NFS1: variants seen among roughly 807,000 people sequenced by gnomAD.
NFS1 encodes the protein cysteine desulfurase.
In NFS1, 26 loss-of-function variants were observed where a neutral mutation model predicts 57.3. The observed-to-expected ratio is 0.45, with a 90% CI of 0.33 to 0.63. The LOEUF is 0.63. NFS1 is among the 20% of genes least tolerant of loss of function. NFS1 has a pLI of 0.02. For synonymous variants in NFS1, 209 were observed against 216.3 expected, an observed-to-expected ratio of 0.97 and a Z score of 0.30; for missense variants, 505 against 605.8, an observed-to-expected ratio of 0.83 and a Z score of 1.75.
intron 7 of NFS1, among the ~76,000 whole-genome samples, chr20:35,676,484 G>A (rs1488811538): frequency 6.6e-6 from 1 of 151,788 alleles, no homozygotes. Context: ...TACTCAGGAG[G>A]CTGAGGCAGG....
intron 4 of NFS1, among the ~76,000 whole-genome samples, chr20:35,692,997 C>T (rs2035070958): frequency 1.3e-5 from 2 of 149,530 alleles, no homozygotes; most frequent in African/African-American, 4.9e-5. Context: ...GCAAGACTCC[C>T]CCTTGGGAAA....
intron 4 of NFS1, chr20:35,692,147 T>C (rs956040890): frequency 2.1e-5 from 4 of 190,300 alleles, no homozygotes; most frequent in Non-Finnish European, 4.3e-5. Context: ...GGTCACGCCA[T>C]TGCACTTCAG....
At chr20:35,685,388 G>A (rs1411267804) in intron 5 of NFS1, among the ~76,000 whole-genome samples, 2 of 150,810 alleles carry the variant, frequency 1.3e-5, no homozygotes, top group East Asian at 1.9e-4. Flanking sequence ...CAGGTGTGGT[G>A]GCACACATCT....
In NFS1 at chr20:35,696,431, A is replaced by G. The variant is rs2035135007; in HGVS notation, c.354T>C (p.Pro118=). 6.2e-7 allele frequency: 1 copy of G among 1,614,050 alleles called. No individual in the cohort carries two copies. Among genetic ancestry groups the G allele is most frequent in the African/African-American group, 1.3e-5 (1 of 75,046 alleles). The part of the protein sequence containing the change: ...QQVASLIGAD[P]REIIFTSGAT... ...CACCACTAGTAAAAATGATCTCACG[A>G]GGATCAGCTCCAATCAGAGATGCTA... The change falls in exon 4 of 13, where the codon CCT becomes CCC. Residue 118 remains proline (P), a synonymous_variant. Transcript: ENST00000374092.
chr20:35,681,804 C>A, intron 6 of NFS1, 84 bp downstream of exon 6: 1 of 750,018 alleles, frequency 1.3e-6, no homozygotes, highest in Non-Finnish European at 2.4e-6. Flanking sequence ...TAACTACACT[C>A]CATAGAGTAT....
chr20:35,698,359 T>G, intron 2 of NFS1, 122 bp downstream of exon 2: 1 of 762,178 alleles, frequency 1.3e-6, no homozygotes, highest in African/African-American at 1.8e-5. Flanking sequence ...GACTCCTCGC[T>G]CAGTGCTTTT....
At chr20:35,698,683 G>A in intron 1 of NFS1, 93 bp from the exon 2 acceptor site, 4 of 1,472,430 alleles carry the variant, frequency 2.7e-6, no homozygotes, top group Non-Finnish European at 2.7e-6. Flanking sequence ...CTGGCTGGAG[G>A]TGAGATAAGT....
chr20:35,675,159 C>T lies in NFS1; in HGVS notation c.834G>A (p.Val278=). The T allele has an allele frequency of 1.2e-6, 2 of 1,613,822 alleles. No homozygotes were observed. The highest frequency in any genetic ancestry group is 1.7e-6 in the Non-Finnish European group (2 of 1,179,982). ...IYIRRRPRVR[V]EALQSGGGQE... Reference sequence around the variant, plus strand: ...GCCCCCCTCCACTCTGCAGGGCCTCCACACGCACACGGGGCCGGCGACGGA... The same window carrying T: ...GCCCCCCTCCACTCTGCAGGGCCTCTACACGCACACGGGGCCGGCGACGGA... Residue 278 remains valine, a synonymous_variant, in exon 8 of 13, where the codon GTG becomes GTA. Coordinates refer to ENST00000374092, the MANE Select transcript of NFS1 (RefSeq NM_021100.5).
intron 3 of NFS1, among the ~76,000 whole-genome samples, chr20:35,697,166 G>A (rs923670618): frequency 4.0e-5 from 6 of 151,598 alleles, no homozygotes; most frequent in Non-Finnish European, 7.4e-5. Context: ...GCATGGTGGC[G>A]TGTGCCTGTA....
chr20:35,681,919 C>T lies in NFS1; in HGVS notation c.624G>A (p.Glu208=). ...CTGCAATAGGCTGCTTCACTCCAAT[C>T]TCATTGTTCACAGTCATGACTGACA... ...SLVSVMTVNN[E]IGVKQPIAEI... Residue 208 remains glutamate, a synonymous_variant, in exon 6 of 13, where the codon GAG becomes GAA. Transcript: ENST00000374092. 1 of 1,612,972 alleles carries T rather than the reference C, an allele frequency of 6.2e-7. No individual in the cohort carries two copies. Among genetic ancestry groups the T allele is most frequent in the Non-Finnish European group, 8.5e-7 (1 of 1,179,014 alleles).
chr20:35,671,998 A>ACC (rs2034663509), intron 12 of NFS1, among the ~76,000 whole-genome samples: 1 of 151,850 alleles, frequency 6.6e-6, no homozygotes, highest in Admixed American at 6.6e-5. Flanking sequence ...TCACTCTGTC[A>ACC]CCCAGGCTGG....
intron 2 of NFS1, among the ~76,000 whole-genome samples, chr20:35,698,124 G>T (rs2035172233): frequency 6.6e-6 from 1 of 152,122 alleles, no homozygotes; most frequent in Admixed American, 6.5e-5. Flanking sequence ...GACAGGACAG[G>T]GCCTAGGCAA....
chr20:35,684,941 G>A (rs1190128132), intron 5 of NFS1, among the ~76,000 whole-genome samples: 1 of 150,876 alleles, frequency 6.6e-6, no homozygotes, highest in Non-Finnish European at 1.5e-5. Flanking sequence ...AAGGTGGAGT[G>A]CAGTGGCGGG....
At chr20:35,673,538 GT>G in intron 11 of NFS1, 62 bp downstream of exon 11, 1 of 1,417,630 alleles carries the variant, frequency 7.1e-7, no homozygotes, top group East Asian at 2.3e-5. Context: ...GAAAAAAACT[GT>G]AACAGGAGAT....
rs1389177721 is a variant in NFS1, at chr20:35,669,365, A to T, written c.*257T>A. The stretch of plus-strand genomic sequence containing the variant: ...TGTGCCCAGCAGCAATATGACAGCA[A>T]ATGTCTCTATGGCTTCGGGATGAAA... On this transcript the variant is annotated 3_prime_UTR_variant, in exon 13 of 13. Transcript: ENST00000374092. The T allele has an allele frequency of 5.1e-6, 2 of 390,396 alleles. No individual in the cohort carries two copies. The highest frequency in any genetic ancestry group is 9.4e-6 in the Non-Finnish European group (2 of 212,382). The allele number at this position is 390,396 out of a possible 1,614,324, so 24.2% of individuals were successfully genotyped here.
chr20:35,686,350 CAAA>C (rs55861739), intron 5 of NFS1, among the ~76,000 whole-genome samples: 1 of 69,562 alleles, frequency 1.4e-5, no homozygotes, highest in Non-Finnish European at 3.1e-5. Context: ...AACTCCATCT[CAAA>C]AAAAAAAAAA....
chr20:35,679,771 A>T (rs560795775), intron 7 of NFS1, among the ~76,000 whole-genome samples: 3 of 152,276 alleles, frequency 2.0e-5, no homozygotes, highest in African/African-American at 7.2e-5. Flanking sequence ...CCCTGCAGAC[A>T]TAAAAAGGGT....
chr20:35,686,350 CAAAAAAAAA>C (rs55861739), intron 5 of NFS1, among the ~76,000 whole-genome samples: 2 of 69,568 alleles, frequency 2.9e-5, no homozygotes, highest in African/African-American at 9.7e-5. Context: ...AACTCCATCT[CAAAAAAAAA>C]AAAAAAAAAA....
chr20:35,685,736 T>A lies in NFS1; in HGVS notation c.562-3755A>T, dbSNP rs549213736. ...AGCCAGGTGTGGTAGCGCATGCCTA[T>A]AATCCCAGCTACTGAGGAGGCTAAG... is the stretch of plus-strand genomic sequence containing the variant. On this transcript the variant is annotated intron_variant, in intron 5 of 12. Transcript: ENST00000374092. 1.3e-3 allele frequency among the ~76,000 whole-genome samples: 190 copies of A among 146,738 alleles called. 2 individuals carry two copies. Among genetic ancestry groups the A allele is most frequent in the African/African-American group, 4.4e-3 (174 of 39,586 alleles).
Sources: gnomAD v4.1 joint callset for allele counts (sites outside exome capture counted in the v4.1 genomes callset) on GRCh38, gnomAD v4.1.1 for gene constraint, MANE v1.5 for transcripts, NCBI Gene and HGNC (gene_info 2026-07-23, HGNC 2026-07-21) for gene names.